The following ITPR3 variants were observed in gnomAD, a reference collection of about 807,000 sequenced individuals.
ITPR3 encodes inositol 1,4,5-trisphosphate-gated calcium channel ITPR3.
Under a neutral mutation model 293.2 loss-of-function variants are expected in ITPR3, and 173 were observed. The ratio of observed to expected loss-of-function variants is 0.59; its 90% CI spans 0.52 to 0.67. The LOEUF (loss-of-function observed/expected upper bound fraction) is 0.67. Among genes scored for constraint, ITPR3 ranks in the 30% least tolerant of loss-of-function variants. The pLI, the probability that ITPR3 is intolerant of heterozygous loss-of-function variation, is 0.00. For synonymous variants in ITPR3, 1,295 were observed against 1,444.4 expected (o/e 0.90, Z 2.35); for missense variants, 2,796 against 3,592.1 (o/e 0.78, Z 5.66).
chr6:33,630,823 T>TG (rs1402599585), intron 1 of ITPR3, among the ~76,000 whole-genome samples: 1 of 152,246 alleles, frequency 6.6e-6, no homozygotes, highest in African/African-American at 2.4e-5. Flanking sequence ...TAGCTGTACT[T>TG]GTTTTAAAAT....
chr6:33,693,978 G>C (rs886562561), intron 56 of ITPR3, among the ~76,000 whole-genome samples: 3 of 152,208 alleles, frequency 2.0e-5, no homozygotes, highest in African/African-American at 7.2e-5. Flanking sequence ...CACACTTCTG[G>C]GTGTCAGGAA....
intron 1 of ITPR3, among the ~76,000 whole-genome samples, chr6:33,623,388 G>C (rs960468693): frequency 1.4e-5 from 2 of 142,568 alleles, no homozygotes; most frequent in African/African-American, 2.6e-5. Context: ...ATGCAGTGAT[G>C]CAATCTTGGC....
intron 2 of ITPR3, among the ~76,000 whole-genome samples, chr6:33,648,603 G>T (rs1231913600): frequency 6.7e-6 from 1 of 149,894 alleles, no homozygotes; most frequent in African/African-American, 2.5e-5. Flanking sequence ...TCCCACTACT[G>T]CCATGTGTAT....
At chr6:33,641,605 C>A (rs539028037) in intron 2 of ITPR3, among the ~76,000 whole-genome samples, 1 of 152,102 alleles carries the variant, frequency 6.6e-6, no homozygotes, top group South Asian at 2.1e-4. Context: ...CCTGGACGAA[C>A]CGCACCACCA....
rs1328954781 is a variant in ITPR3, at chr6:33,687,520, G to T, written c.6220G>T (p.Val2074Leu). Residue 2074 changes from valine (V) to leucine (L), a missense_variant, in exon 46 of 58, where the codon GTG becomes TTG. By Grantham distance (32) the Val-to-Leu change is conservative. Coordinates refer to ENST00000605930, the MANE Select transcript of ITPR3 (RefSeq NM_002224.4). The surrounding 1 kb of genome is among the most constrained non-coding windows in gnomAD (Gnocchi z 5.3). Reference sequence around the variant, plus strand: ...ACAGCTGCAGCACCTGCTGAAGCCGGTGAAGCGCATTCAAGAGGAGGAGGC... The same window carrying T: ...ACAGCTGCAGCACCTGCTGAAGCCGTTGAAGCGCATTCAAGAGGAGGAGGC... ...NKQLQHLLKP[V>L]KRIQEEEAEG... is the part of the protein sequence containing the mutation. The T allele has an allele frequency of 1.2e-6, 2 of 1,612,488 alleles. No individual in the cohort carries two copies. The highest frequency in any genetic ancestry group is 2.7e-5 in the African/African-American group (2 of 74,896).
At chr6:33,643,141 G>C (rs1308405640) in intron 2 of ITPR3, among the ~76,000 whole-genome samples, 2 of 152,232 alleles carry the variant, frequency 1.3e-5, no homozygotes, top group African/African-American at 4.8e-5. Context: ...ACCCAGCAAG[G>C]GGGTGGGGTT....
At chr6:33,650,654 T>C (rs777066477) in intron 2 of ITPR3, among the ~76,000 whole-genome samples, 4 of 152,260 alleles carry the variant, frequency 2.6e-5, no homozygotes, top group Non-Finnish European at 5.9e-5. Context: ...GCTCTGGCTA[T>C]TCTCTGGTTA....
In ITPR3 at chr6:33,695,970, G is replaced by A. The variant is rs1765534669; in HGVS notation, c.*190G>A. The A allele has an allele frequency of 2.2e-5, 13 of 591,966 alleles. No individual in the cohort carries two copies. The highest frequency in any genetic ancestry group is 2.0e-4 in the South Asian group (10 of 48,994). 36.7% of individuals were successfully genotyped at this position (591,966 alleles called of 1,614,324 possible). ...GGGGAGCCTCAGAGCTGACAGTCCT[G>A]CTTAGAGCCCTTAAAAAGACTTGAA... On this transcript the variant is annotated 3_prime_UTR_variant, in exon 58 of 58. Coordinates refer to ENST00000605930, the MANE Select transcript of ITPR3 (RefSeq NM_002224.4).
At position 33,663,038 on chromosome 6, in the gene ITPR3, CGT is replaced by C. The variant is rs1183988707; in HGVS notation, c.954+38_954+39del. ...GGGAGGTAGAGGGCATGCTGGGGCT[CGT>C]GTGTGCATGTACACGTGGGTGTGCG... On this transcript the variant is annotated intron_variant, in intron 9 of 57. Coordinates refer to ENST00000605930, the MANE Select transcript of ITPR3 (RefSeq NM_002224.4). 5 of 1,557,694 alleles carry C rather than the reference CGT, an allele frequency of 3.2e-6. No individual in the cohort carries two copies. The African/African-American group carries it at 5.4e-5, about 17-fold the overall frequency.
chr6:33,654,987 T>C lies in ITPR3; in HGVS notation c.161-779T>C, dbSNP rs932301821. On this transcript the variant is annotated intron_variant, in intron 2 of 57. Coordinates refer to ENST00000605930, the MANE Select transcript of ITPR3 (RefSeq NM_002224.4). This position sits in a 1 kb window ranked among gnomAD's most constrained non-coding sequence, Gnocchi z 4.1. ...AAAAATTGGACACCCTTCCTGCAGC[T>C]TAGGCTTATGGGAATGACACTTGTT... Among the ~76,000 whole-genome samples, 5 of 152,240 alleles carry C rather than the reference T, an allele frequency of 3.3e-5. No individual in the cohort carries two copies. Among genetic ancestry groups the C allele is most frequent in the African/African-American group, 1.2e-4 (5 of 41,464 alleles).
rs1298550413 is a variant in ITPR3 at position 33,633,670 on chromosome 6, C to A, written c.90-6814C>A. 6.7e-6 allele frequency among the ~76,000 whole-genome samples: 1 copy of A among 149,926 alleles called. No homozygotes were observed. The highest frequency in any genetic ancestry group is 1.5e-5 in the Non-Finnish European group (1 of 67,274). ...AGTCGGAGGCAGGCCGGGGCGAGGC[C>A]GCGCTGGCCCTCCCTTGGCGGCGGC... On this transcript the variant is annotated intron_variant, in intron 1 of 57. Transcript: ENST00000605930. The surrounding 1 kb of genome is among the most constrained non-coding windows in gnomAD (Gnocchi z 5.2).
Position 33,630,127 on chromosome 6 carries a change from C to T in ITPR3, c.89+8436C>T, listed in dbSNP as rs143223460. On this transcript the variant is annotated intron_variant, in intron 1 of 57. Transcript: ENST00000605930. Reference sequence around the variant, plus strand: ...ACCATCGAGATCCTGTCAAGGTACTCGTGTTACATTTTCTTATGCCTCTTC... The same window carrying T: ...ACCATCGAGATCCTGTCAAGGTACTTGTGTTACATTTTCTTATGCCTCTTC... Among the ~76,000 whole-genome samples, 1,008 of 152,224 alleles carry T rather than the reference C, an allele frequency of 6.6e-3. 11 individuals are homozygous for T. Among genetic ancestry groups the T allele is most frequent in the African/African-American group, 0.023 (942 of 41,544 alleles).
chr6:33,684,293 G>T lies in ITPR3; in HGVS notation c.4938-64G>T, dbSNP rs978604130. On this transcript the variant is annotated intron_variant, in intron 36 of 57. Coordinates refer to ENST00000605930, the MANE Select transcript of ITPR3 (RefSeq NM_002224.4). This position sits in a 1 kb window ranked among gnomAD's most constrained non-coding sequence, Gnocchi z 4.2. ...TGGGGGTGTTCCTGCCTGGGATGGG[G>T]TGGGGAAGTAGCTGGAGGGAGGCAG... The T allele has an allele frequency of 4.6e-5, 73 of 1,593,586 alleles. No homozygotes were observed. Among genetic ancestry groups the T allele is most frequent in the Non-Finnish European group, 5.9e-5 (69 of 1,162,948 alleles).
Position 33,684,815 on chromosome 6 carries a change from C to T in ITPR3, c.5179C>T (p.Arg1727Trp), listed in dbSNP as rs559152924. The stretch of plus-strand genomic sequence containing the variant: ...GTCGGCAATCGCAGCCACCCAGTGC[C>T]GGCTGGACAAGGAGGGGGCCACCAA... ...DWSAIAATQCRLDKEGATKLV... is the reference protein window; with the variant it reads ...DWSAIAATQCWLDKEGATKLV... The change falls in exon 39 of 58, where the codon CGG becomes TGG. Residue 1727 changes from arginine (R) to tryptophan (W), a missense_variant. Physicochemically the swap from Arg to Trp is moderately radical, Grantham distance 101. Coordinates refer to ENST00000605930, the MANE Select transcript of ITPR3 (RefSeq NM_002224.4). This position sits in a 1 kb window ranked among gnomAD's most constrained non-coding sequence, Gnocchi z 4.2. 20 of 1,613,708 alleles carry T rather than the reference C, an allele frequency of 1.2e-5. No homozygotes were observed. In the African/African-American group the frequency reaches 1.3e-4, roughly 11 times the overall value.
In ITPR3 at chr6:33,692,607, C is replaced by A; in HGVS notation, c.7459-121C>A. Reference sequence around the variant, plus strand: ...TGATGGCCCCCAGGCCAGAGGCCCTCATTTCCTTCTGCTAGGGGCTGGGTC... The same window carrying A: ...TGATGGCCCCCAGGCCAGAGGCCCTAATTTCCTTCTGCTAGGGGCTGGGTC... On this transcript the variant is annotated intron_variant, in intron 54 of 57. Coordinates refer to ENST00000605930, the MANE Select transcript of ITPR3 (RefSeq NM_002224.4). The surrounding 1 kb of genome is among the most constrained non-coding windows in gnomAD (Gnocchi z 4.2). 2 of 940,898 alleles carry A rather than the reference C, an allele frequency of 2.1e-6. No homozygotes were observed. The highest frequency in any genetic ancestry group is 3.2e-6 in the Non-Finnish European group (2 of 629,382). The allele number at this position is 940,898 out of a possible 1,614,324, so 58.3% of individuals were successfully genotyped here.
Position 33,670,380 on chromosome 6 carries a change from G to A in ITPR3, c.2245G>A (p.Asp749Asn), listed in dbSNP as rs1490507790. 2.5e-6 allele frequency: 4 copies of A among 1,614,060 alleles called. No homozygotes were observed. Among genetic ancestry groups the A allele is most frequent in the South Asian group, 1.1e-5 (1 of 91,080 alleles). ...CTTGGACCGCCAGTACTTGGCCATC[G>A]ACGAGATCTCCCAGCAGCTGGGCGT... ...MCLDRQYLAI[D>N]EISQQLGVDL... is the part of the protein sequence containing the mutation. Residue 749 changes from aspartate to asparagine, a missense_variant, in exon 19 of 58, where the codon GAC (aspartate) becomes AAC (asparagine). This residue lies in a region of ITPR3 where 955 missense variants were observed against 1,180.8 expected (regional missense o/e 0.81). Transcript: ENST00000605930. The surrounding 1 kb of genome is among the most constrained non-coding windows in gnomAD (Gnocchi z 6.7).
At position 33,655,980 on chromosome 6, in the gene ITPR3, T is replaced by C. The variant is rs1764297322; in HGVS notation, c.282+93T>C. The C allele has an allele frequency of 1.3e-6, 2 of 1,533,120 alleles. No homozygotes were observed. The highest frequency in any genetic ancestry group is 1.4e-5 in the African/African-American group (1 of 72,914). 95.0% of individuals were successfully genotyped at this position (1,533,120 alleles called of 1,614,324 possible). A position where few individuals can be genotyped will look rare whatever the true frequency, so the allele number is the denominator to read the frequency against. On this transcript the variant is annotated intron_variant, in intron 3 of 57. Transcript: ENST00000605930. This position sits in a 1 kb window ranked among gnomAD's most constrained non-coding sequence, Gnocchi z 4.9. Reference sequence around the variant, plus strand: ...GCTGCTTGTCGGAGCCAGTAGGGGCTCTGTGGCTGAGCTGAGTGGTTTCTA... The same window carrying C: ...GCTGCTTGTCGGAGCCAGTAGGGGCCCTGTGGCTGAGCTGAGTGGTTTCTA...
At chr6:33,690,486 C>T (rs1175824876) in intron 51 of ITPR3, among the ~76,000 whole-genome samples, 1 of 152,206 alleles carries the variant, frequency 6.6e-6, no homozygotes, top group Non-Finnish European at 1.5e-5. Context: ...CTACTACTAG[C>T]TGTGTAACTG....
Position 33,654,780 on chromosome 6 carries a change from C to T in ITPR3, c.161-986C>T, listed in dbSNP as rs958961599. On this transcript the variant is annotated intron_variant, in intron 2 of 57. Coordinates refer to ENST00000605930, the MANE Select transcript of ITPR3 (RefSeq NM_002224.4). This position sits in a 1 kb window ranked among gnomAD's most constrained non-coding sequence, Gnocchi z 4.1. ...ATCTCAGGGCCACTGAGTCCTGCTC[C>T]GTGCCCAGGCTGTGGATCCCTCCTG... Among the ~76,000 whole-genome samples, 10 of 152,160 alleles carry T rather than the reference C, an allele frequency of 6.6e-5. No homozygotes were observed. Among genetic ancestry groups the T allele is most frequent in the African/African-American group, 1.2e-4 (5 of 41,426 alleles).
Sources: allele counts gnomAD v4.1 joint callset (sites outside exome capture counted in the v4.1 genomes callset), GRCh38; gene constraint gnomAD v4.1.1; regional missense constraint gnomAD v4.1.1; non-coding constraint Gnocchi (gnomAD v3.1); transcripts MANE v1.5; gene names NCBI Gene and HGNC (gene_info 2026-07-23, HGNC 2026-07-21).